Variants in CBFA2T3 observed in about 807,000 individuals in gnomAD.
The protein encoded by CBFA2T3 is transcriptional corepressor CBFA2T3.
Under a neutral mutation model 58.6 loss-of-function variants are expected in CBFA2T3, and 31 were observed. The ratio of observed to expected loss-of-function variants is 0.53; its 90% CI spans 0.40 to 0.71. The LOEUF (loss-of-function observed/expected upper bound fraction) is 0.71. Ranked by LOEUF, CBFA2T3 falls within the 30% of genes least tolerant of loss-of-function variation. The probability of loss-of-function intolerance (pLI) is 0.00; values close to 1 mark genes in which losing one functional copy is unlikely to be tolerated. For synonymous variants in CBFA2T3, 531 were observed against 421.9 expected, an observed-to-expected ratio of 1.26 and a Z score of -3.17; for missense variants, 1,076 against 963.1, an observed-to-expected ratio of 1.12 and a Z score of -1.55.
At chr16:88,972,274 G>C (rs1386612539) in intron 1 of CBFA2T3, among the ~76,000 whole-genome samples, 1 of 152,154 alleles carries the variant, frequency 6.6e-6, no homozygotes, top group Non-Finnish European at 1.5e-5. Flanking sequence ...CTGGCAGTGA[G>C]GACGTGCCCA....
At position 88,930,811 on chromosome 16, in the gene CBFA2T3, G is replaced by A. The variant is rs1228551737; in HGVS notation, c.152-29155C>T. On this transcript the variant is annotated intron_variant, in intron 1 of 11. Transcript: ENST00000268679. The stretch of plus-strand genomic sequence containing the variant: ...GGGGGAGGGGGCAGACTGGGGGCTG[G>A]GGTGGAGGAGTGAGGAGATGGGGAG... Among the ~76,000 whole-genome samples, 3 of 133,168 alleles carry A rather than the reference G, an allele frequency of 2.3e-5. No individual in the cohort carries two copies. The East Asian group carries it at 6.7e-4, about 30-fold the overall frequency. The allele number at this position is 133,168 out of a possible 152,430, so 87.4% of individuals were successfully genotyped here.
intron 10 of CBFA2T3, chr16:88,880,172 C>T (rs1567572838): frequency 6.4e-6 from 1 of 156,672 alleles, no homozygotes; most frequent in Admixed American, 6.2e-5. Context: ...CATGTTTCAA[C>T]TCCACCACTG....
In CBFA2T3 at chr16:88,874,933, T is replaced by A; in HGVS notation, c.*2043A>T. ...ATATCATTTGGACCTCTGCAAAGACTATATACATTCACATTAACGTACACG... is the reference window on the plus strand; with the variant it reads ...ATATCATTTGGACCTCTGCAAAGACAATATACATTCACATTAACGTACACG... On this transcript the variant is annotated 3_prime_UTR_variant, in exon 12 of 12. Coordinates refer to ENST00000268679, the MANE Select transcript of CBFA2T3 (RefSeq NM_005187.6). The A allele has an allele frequency of 4.3e-6, 1 of 233,108 alleles. No individual in the cohort carries two copies. Among genetic ancestry groups the A allele is most frequent in the Non-Finnish European group, 8.5e-6 (1 of 117,672 alleles). 14.4% of individuals were successfully genotyped at this position (233,108 alleles called of 1,614,324 possible).
intron 10 of CBFA2T3, among the ~76,000 whole-genome samples, chr16:88,880,213 G>A (rs1056588282): frequency 1.3e-4 from 20 of 151,916 alleles, no homozygotes; most frequent in Non-Finnish European, 1.9e-4. Flanking sequence ...TGGAGACCCC[G>A]GTACCGCTGC....
At chr16:88,889,051 G>T (rs985976983) in intron 5 of CBFA2T3, among the ~76,000 whole-genome samples, 5 of 151,956 alleles carry the variant, frequency 3.3e-5, no homozygotes, top group African/African-American at 4.8e-5. Flanking sequence ...CTGATCCTCA[G>T]TTAAGCAAGG....
intron 1 of CBFA2T3, among the ~76,000 whole-genome samples, chr16:88,906,066 G>C (rs973327045): frequency 6.6e-6 from 1 of 152,058 alleles, no homozygotes; most frequent in East Asian, 1.9e-4. Flanking sequence ...TGCGCAGCAG[G>C]GGGGTCCAGC....
rs1363963089 is a variant in CBFA2T3 at position 88,885,572 on chromosome 16, C to G, written c.894-303G>C. ...CGAGGAGAGGGATACACCAGGCTTC[C>G]GTAACTGGAGACCACCTGCCCCTTG... On this transcript the variant is annotated intron_variant, in intron 6 of 11. Transcript: ENST00000268679. The surrounding 1 kb of genome is among the most constrained non-coding windows in gnomAD (Gnocchi z 5.3). 6.6e-6 allele frequency among the ~76,000 whole-genome samples: 1 copy of G among 152,136 alleles called. No individual in the cohort carries two copies. The highest frequency in any genetic ancestry group is 1.5e-5 in the Non-Finnish European group (1 of 68,002).
chr16:88,893,661 GC>G (rs1375147247), intron 3 of CBFA2T3, among the ~76,000 whole-genome samples: 1 of 152,230 alleles, frequency 6.6e-6, no homozygotes, highest in Admixed American at 6.5e-5. Flanking sequence ...GCGCTGCAGG[GC>G]CGCCTGTTGG....
intron 1 of CBFA2T3, among the ~76,000 whole-genome samples, chr16:88,967,812 A>AC (rs541886745): frequency 6.7e-4 from 102 of 152,218 alleles, no homozygotes; most frequent in African/African-American, 2.3e-3. Context: ...TGTCCAGGGC[A>AC]CCGGGGAACT....
chr16:88,886,221 GC>G (rs1969367546), intron 5 of CBFA2T3, 79 bp from the exon 6 acceptor site: 1 of 1,127,564 alleles, frequency 8.9e-7, no homozygotes, highest in African/African-American at 1.6e-5. Context: ...GGGGGCCTGG[GC>G]TGGGTGGCCG....
chr16:88,974,775 A>G (rs547153781), intron 1 of CBFA2T3, among the ~76,000 whole-genome samples: 1 of 151,386 alleles, frequency 6.6e-6, no homozygotes, highest in Non-Finnish European at 1.5e-5. Context: ...CATGCCCCCC[A>G]TGGCCCCCGC....
At position 88,953,006 on chromosome 16, in the gene CBFA2T3, G is replaced by A. The variant is rs1459949512; in HGVS notation, c.151+23651C>T. Among the ~76,000 whole-genome samples the A allele has an allele frequency of 6.6e-6, 1 of 151,372 alleles. No homozygotes were observed. ...CGCAGGGCCTGTGTCGAGACGGCAT[G>A]TCCCGCCATCGGGTTTGCTGCTGAA... On this transcript the variant is annotated intron_variant, in intron 1 of 11. Transcript: ENST00000268679. This position sits in a 1 kb window ranked among gnomAD's most constrained non-coding sequence, Gnocchi z 4.9.
At chr16:88,901,245 G>GC (rs2142637668) in intron 2 of CBFA2T3, among the ~76,000 whole-genome samples, 1 of 152,354 alleles carries the variant, frequency 6.6e-6, no homozygotes, top group East Asian at 1.9e-4. Flanking sequence ...CCCCACCACA[G>GC]CCCTGGGAGG....
At chr16:88,921,815 G>A (rs1471214014) in intron 1 of CBFA2T3, among the ~76,000 whole-genome samples, 1 of 152,204 alleles carries the variant, frequency 6.6e-6, no homozygotes, top group Non-Finnish European at 1.5e-5. Flanking sequence ...CACCTGGGAC[G>A]CCCCCCATAT....
intron 5 of CBFA2T3, among the ~76,000 whole-genome samples, chr16:88,889,191 C>G (rs1212872393): frequency 5.9e-5 from 9 of 151,402 alleles, no homozygotes; most frequent in Non-Finnish European, 1.3e-4. Flanking sequence ...CAAACGACGC[C>G]AGATGGGCCC....
intron 1 of CBFA2T3, among the ~76,000 whole-genome samples, chr16:88,913,292 G>A (rs111604758): frequency 5.9e-5 from 9 of 152,342 alleles, no homozygotes; most frequent in African/African-American, 1.9e-4. Context: ...TGGACTGACC[G>A]TGGCTGACCA....
intron 2 of CBFA2T3, among the ~76,000 whole-genome samples, chr16:88,898,537 G>C (rs528930944): frequency 6.6e-6 from 1 of 152,218 alleles, no homozygotes. Flanking sequence ...TACAAGAACC[G>C]CGGCTTCTCT....
At chr16:88,916,786 T>C (rs1970751333) in intron 1 of CBFA2T3, among the ~76,000 whole-genome samples, 1 of 151,896 alleles carries the variant, frequency 6.6e-6, no homozygotes, top group Non-Finnish European at 1.5e-5. Context: ...CTACAGCCCC[T>C]GGGGGTGAAG....
chr16:88,898,503 T>C (rs1461667542), intron 2 of CBFA2T3, among the ~76,000 whole-genome samples: 3 of 152,220 alleles, frequency 2.0e-5, no homozygotes, highest in African/African-American at 7.2e-5. Flanking sequence ...CTAAGGGCCG[T>C]TCTGGCAGCA....
Sources: allele counts gnomAD v4.1 joint callset (sites outside exome capture counted in the v4.1 genomes callset), GRCh38; gene constraint gnomAD v4.1.1; non-coding constraint Gnocchi (gnomAD v3.1); transcripts MANE v1.5; gene names NCBI Gene and HGNC (gene_info 2026-07-23, HGNC 2026-07-21).